Variants in ASMTL observed in about 807,000 individuals in gnomAD.
ASMTL encodes the protein acetylserotonin O-methyltransferase like.
A neutral mutation model predicts 60.3 loss-of-function variants in ASMTL; 57 were observed. The ratio of observed to expected loss-of-function variants is 0.95; its 90% CI spans 0.76 to 1.18. ASMTL has a LOEUF of 1.18. Among genes scored for constraint, ASMTL ranks in the 50% most tolerant of loss-of-function variants. The pLI, the probability that ASMTL is intolerant of heterozygous loss-of-function variation, is 0.00. For missense variants in ASMTL, 981 were observed against 852.6 expected (o/e 1.15, Z -1.88); for synonymous variants, 419 against 373.0 (o/e 1.12, Z -1.42).
intron 11 of ASMTL, among the ~76,000 whole-genome samples, chrX:1,417,637 A>G (rs755879707): frequency 2.0e-5 from 3 of 151,980 alleles, no homozygotes; most frequent in South Asian, 2.1e-4. Context: ...ACATGCACAC[A>G]TATACCCACA....
At chrX:1,448,436 C>G (rs1458497821) in intron 1 of ASMTL, among the ~76,000 whole-genome samples, 11 of 150,864 alleles carry the variant, frequency 7.3e-5, no homozygotes, top group African/African-American at 2.7e-4. Flanking sequence ...ATACACACCA[C>G]CATCTTGGAA....
chrX:1,439,478 A>G (rs190939697), intron 2 of ASMTL, among the ~76,000 whole-genome samples: 1 of 152,286 alleles, frequency 6.6e-6, no homozygotes, highest in Non-Finnish European at 1.5e-5. Flanking sequence ...GGTTTGATTC[A>G]GGGGCCCCAA....
At chrX:1,411,900 T>C (rs184110684) in intron 12 of ASMTL, among the ~76,000 whole-genome samples, 2,366 of 138,408 alleles carry the variant, frequency 0.017, 24 homozygotes, top group Middle Eastern at 0.035. Flanking sequence ...GCAACCTCCG[T>C]CTCCAGGTTC....
At chrX:1,412,280 T>A (rs1378351503) in intron 12 of ASMTL, among the ~76,000 whole-genome samples, 1 of 152,080 alleles carries the variant, frequency 6.6e-6, no homozygotes, top group Non-Finnish European at 1.5e-5. Context: ...CAGGCTGGAG[T>A]GCAGTGGCGC....
At chrX:1,419,773 G>A (rs1362998805) in intron 9 of ASMTL, among the ~76,000 whole-genome samples, 6 of 152,174 alleles carry the variant, frequency 3.9e-5, no homozygotes, top group African/African-American at 1.2e-4. Context: ...TAAATCTCGC[G>A]GGGGCTCCCC....
At chrX:1,442,752 A>T (rs1157561401) in intron 1 of ASMTL, among the ~76,000 whole-genome samples, 1 of 152,154 alleles carries the variant, frequency 6.6e-6, no homozygotes, top group African/African-American at 2.4e-5. Flanking sequence ...GCCAGCAATG[A>T]TGGCTGTGGG....
intron 1 of ASMTL, among the ~76,000 whole-genome samples, chrX:1,444,111 A>T (rs1463772483): frequency 2.0e-5 from 3 of 152,146 alleles, no homozygotes; most frequent in African/African-American, 7.2e-5. Context: ...CCGACCAGAG[A>T]CAGTCCAACC....
rs775275941 is a variant in ASMTL at position 1,418,082 on chromosome X, A to ACGGGCCAGCTCT, written c.1401_1412dup (p.Leu469_Glu472dup). 1.2e-6 allele frequency: 2 copies of ACGGGCCAGCTCT among 1,611,534 alleles called. No homozygotes were observed. Among genetic ancestry groups the ACGGGCCAGCTCT allele is most frequent in the Non-Finnish European group, 1.7e-6 (2 of 1,178,236 alleles). ...CAGTCACCTGCATACGAGGGTACTC[A>ACGGGCCAGCTCT]CGGGCCAGCTCTCGGGCCAGTGCAC... On this transcript the variant is annotated inframe_insertion, in exon 11 of 13. Coordinates refer to ENST00000381317, the MANE Select transcript of ASMTL (RefSeq NM_004192.4).
chrX:1,451,751 G>A (rs28475863), intron 1 of ASMTL, among the ~76,000 whole-genome samples: 43,626 of 134,172 alleles, frequency 0.33, 7,604 homozygotes, highest in Middle Eastern at 0.41. Context: ...CCCTAGGGGG[G>A]TCTCGGCTTA....
chrX:1,434,198 C>T (rs751709549), intron 5 of ASMTL, among the ~76,000 whole-genome samples: 1 of 152,244 alleles, frequency 6.6e-6, no homozygotes, highest in Non-Finnish European at 1.5e-5. Flanking sequence ...CACCGTGGTG[C>T]ACACCTGCAG....
At chrX:1,436,551 A>G (rs866013380) in intron 3 of ASMTL, among the ~76,000 whole-genome samples, 1 of 147,940 alleles carries the variant, frequency 6.8e-6, no homozygotes, top group Admixed American at 6.7e-5. Flanking sequence ...ACGGGGTTTC[A>G]CCATGTTGGC....
Position 1,421,803 on chromosome X carries a change from G to T in ASMTL, c.1100C>A (p.Ser367Ter). The stretch of plus-strand genomic sequence containing the variant: ...GCCGTGCAGAGAGTATTCGCCATCC[G>T]ATGCCAGGTAGACGTTCGCTGTCTC... ...NTETANVYLA[S>*]DGEYSLHGFI... Residue 367 changes from serine to a stop codon, truncating the protein, a stop_gained, in exon 9 of 13, where the codon TCG becomes TAG. Transcript: ENST00000381317. LOFTEE classifies it high-confidence loss of function. 6.2e-7 allele frequency: 1 copy of T among 1,613,816 alleles called. No individual in the cohort carries two copies. The highest frequency in any genetic ancestry group is 8.5e-7 in the Non-Finnish European group (1 of 1,179,834).
chrX:1,412,359 C>T (rs1348161317), intron 12 of ASMTL, among the ~76,000 whole-genome samples: 1 of 151,876 alleles, frequency 6.6e-6, no homozygotes, highest in Non-Finnish European at 1.5e-5. Context: ...TCTGAAGTAC[C>T]TGGGATTACA....
chrX:1,419,388 T>C (rs1156435823), intron 9 of ASMTL, among the ~76,000 whole-genome samples: 1 of 152,162 alleles, frequency 6.6e-6, no homozygotes, highest in Non-Finnish European at 1.5e-5. Context: ...CGTCTGACTT[T>C]CGCAGTAGGC....
intron 3 of ASMTL, 138 bp from the exon 4 acceptor site, chrX:1,435,896 A>G (rs2090952668): frequency 2.6e-6 from 2 of 757,042 alleles, no homozygotes; most frequent in East Asian, 5.3e-5. Context: ...ATTTCAAACA[A>G]CTAACCAGAG....
chrX:1,425,061 TATCC>T (rs1285425192), intron 8 of ASMTL, among the ~76,000 whole-genome samples: 2 of 150,116 alleles, frequency 1.3e-5, no homozygotes, highest in Non-Finnish European at 3.0e-5. Context: ...TCCATCCATC[TATCC>T]ATCCATCCAT....
At chrX:1,438,460 G>A (rs1272638326) in intron 3 of ASMTL, among the ~76,000 whole-genome samples, 1 of 152,200 alleles carries the variant, frequency 6.6e-6, no homozygotes, top group Non-Finnish European at 1.5e-5. Flanking sequence ...ACCTCTGGAA[G>A]GAAGAAACCC....
intron 5 of ASMTL, among the ~76,000 whole-genome samples, chrX:1,432,771 G>C (rs1173873482): frequency 6.6e-6 from 1 of 152,174 alleles, no homozygotes; most frequent in Non-Finnish European, 1.5e-5. Context: ...GCAGGTTGCA[G>C]TGAGCCGAGA....
At chrX:1,430,988 A>T (rs1318430322) in intron 6 of ASMTL, among the ~76,000 whole-genome samples, 1 of 137,370 alleles carries the variant, frequency 7.3e-6, no homozygotes, top group Non-Finnish European at 1.5e-5. Context: ...ACATATAATC[A>T]CACTTTATAT....
Sources: gnomAD v4.1 joint callset for allele counts (sites outside exome capture counted in the v4.1 genomes callset) on GRCh38, gnomAD v4.1.1 for gene constraint, MANE v1.5 for transcripts, NCBI Gene and HGNC (gene_info 2026-07-23, HGNC 2026-07-21) for gene names.